EEF2K: variants seen among roughly 807,000 people sequenced by gnomAD.
EEF2K encodes alternative protein EEF2K.
EEF2K carries 70 observed loss-of-function variants against 93.8 expected under a neutral mutation model. The ratio of observed to expected loss-of-function variants is 0.75; its 90% confidence interval spans 0.62 to 0.91. EEF2K has a LOEUF of 0.91. EEF2K is among the 40% of genes least tolerant of loss of function. The probability of loss-of-function intolerance (pLI) is 0.00; values close to 1 mark genes in which losing one functional copy is unlikely to be tolerated. For synonymous variants in EEF2K, 376 were observed against 380.8 expected (o/e 0.99, Z 0.15); for missense variants, 935 against 972.9 (o/e 0.96, Z 0.52).
chr16:22,214,656 C>A (rs1265524216), intron 1 of EEF2K, among the ~76,000 whole-genome samples: 1 of 151,796 alleles, frequency 6.6e-6, no homozygotes, highest in Non-Finnish European at 1.5e-5. Flanking sequence ...CAGAGCCAGA[C>A]TCTCTCAGCA....
chr16:22,278,701 T>C (rs955123864), intron 16 of EEF2K, among the ~76,000 whole-genome samples: 1 of 152,162 alleles, frequency 6.6e-6, no homozygotes, highest in Non-Finnish European at 1.5e-5. Context: ...CTGTATTTGC[T>C]CTTTCCTGAT....
intron 1 of EEF2K, 104 bp from the exon 2 acceptor site, chr16:22,225,549 AG>A (rs1393999247): frequency 1.1e-6 from 1 of 906,340 alleles, no homozygotes; most frequent in Non-Finnish European, 1.6e-6. Context: ...TTTTACCCCA[AG>A]GGTGCCAGCT....
At chr16:22,208,291 G>A (rs1370536911) in intron 1 of EEF2K, among the ~76,000 whole-genome samples, 1 of 152,196 alleles carries the variant, frequency 6.6e-6, no homozygotes, top group Non-Finnish European at 1.5e-5. Flanking sequence ...GGGAGACTGA[G>A]GAAGGTGGAT....
At chr16:22,220,927 G>C (rs2047005781) in intron 1 of EEF2K, among the ~76,000 whole-genome samples, 1 of 152,204 alleles carries the variant, frequency 6.6e-6, no homozygotes, top group South Asian at 2.1e-4. Context: ...GGGCTGACCA[G>C]GGCAGAGTAG....
chr16:22,229,010 A>G (rs1164177463), intron 2 of EEF2K, among the ~76,000 whole-genome samples: 1 of 152,034 alleles, frequency 6.6e-6, no homozygotes. Context: ...ATGGTGGTGC[A>G]TGCCTGTAGT....
intron 2 of EEF2K, among the ~76,000 whole-genome samples, chr16:22,243,270 G>A (rs1269552972): frequency 8.7e-6 from 1 of 114,296 alleles, no homozygotes; most frequent in Non-Finnish European, 1.8e-5. Context: ...TTTTTTTTCT[G>A]AGACAGGGTC....
chr16:22,208,603 C>T (rs867588376), intron 1 of EEF2K, among the ~76,000 whole-genome samples: 58 of 152,028 alleles, frequency 3.8e-4, no homozygotes, highest in South Asian at 1.2e-3. Flanking sequence ...TGGCTGATTA[C>T]GGATATATCA....
intron 1 of EEF2K, among the ~76,000 whole-genome samples, chr16:22,219,088 T>C (rs1418710092): frequency 2.0e-5 from 3 of 152,112 alleles, no homozygotes; most frequent in Non-Finnish European, 4.4e-5. Context: ...ATCCTTTCTT[T>C]GGGCCAAGGG....
intron 1 of EEF2K, among the ~76,000 whole-genome samples, chr16:22,218,776 G>C (rs1306774354): frequency 6.6e-6 from 1 of 152,048 alleles, no homozygotes; most frequent in Non-Finnish European, 1.5e-5. Context: ...GTTAGTGGTA[G>C]AGATGGGGCT....
In EEF2K at chr16:22,206,760, G is replaced by C. The variant is rs141086927; in HGVS notation, c.-77+81G>C. 1,487 of 153,066 alleles carry C rather than the reference G, an allele frequency of 9.7e-3. 11 individuals carry two copies. The highest frequency in any genetic ancestry group is 0.015 in the Non-Finnish European group (1,019 of 68,642). 9.5% of individuals were successfully genotyped at this position (153,066 alleles called of 1,614,324 possible). A position where few individuals can be genotyped will look rare whatever the true frequency, so the allele number is the denominator to read the frequency against. ...GCCTGTGCGCCCGGGTGCAGCTGGC[G>C]TCTGGAGCGTGCTGGGTCTGGGCTT... On this transcript the variant is annotated intron_variant, in intron 1 of 17. Coordinates refer to ENST00000263026, the MANE Select transcript of EEF2K (RefSeq NM_013302.5).
Position 22,260,533 on chromosome 16 carries a change from A to G in EEF2K, c.1299+4A>G. On this transcript the variant is annotated splice_donor_region_variant and intron_variant, in intron 11 of 17. Coordinates refer to ENST00000263026, the MANE Select transcript of EEF2K (RefSeq NM_013302.5). Reference sequence around the variant, plus strand: ...TGATCATCTAGACAACCACCGGGTGAGTGTGAAGGGAGGGAGGCTGCAGGC... The same window carrying G: ...TGATCATCTAGACAACCACCGGGTGGGTGTGAAGGGAGGGAGGCTGCAGGC... 1 of 1,614,086 alleles carries G rather than the reference A, an allele frequency of 6.2e-7. No individual in the cohort carries two copies. Among genetic ancestry groups the G allele is most frequent in the South Asian group, 1.1e-5 (1 of 91,074 alleles).
At chr16:22,249,533 A>G (rs2047328336) in intron 4 of EEF2K, among the ~76,000 whole-genome samples, 1 of 152,130 alleles carries the variant, frequency 6.6e-6, no homozygotes, top group African/African-American at 2.4e-5. Context: ...CCCACAGGGT[A>G]AGCACCCCTC....
chr16:22,210,141 T>A (rs1328413677), intron 1 of EEF2K, among the ~76,000 whole-genome samples: 1 of 152,116 alleles, frequency 6.6e-6, no homozygotes, highest in Non-Finnish European at 1.5e-5. Context: ...AACACGCTGA[T>A]GATAAAGCAG....
At chr16:22,281,763 A>T (rs1377428145) in intron 17 of EEF2K, among the ~76,000 whole-genome samples, 1 of 152,192 alleles carries the variant, frequency 6.6e-6, no homozygotes, top group Non-Finnish European at 1.5e-5. Flanking sequence ...TTCATTTAGC[A>T]TAACTTTTTC....
chr16:22,256,773 T>C lies in EEF2K; in HGVS notation c.644T>C (p.Ile215Thr), dbSNP rs369121898. Reference protein sequence around the residue: ...KQVDIMQMCIIELKDRPGKPL... With the variant: ...KQVDIMQMCITELKDRPGKPL... ...GTGGACATCATGCAGATGTGCATCA[T>C]CGAGCTGAAGGACAGACCGGGCAAG... The change falls in exon 7 of 18, where the codon ATC (isoleucine) becomes ACC (threonine). Residue 215 changes from isoleucine to threonine, a missense_variant. Transcript: ENST00000263026. 1 of 1,613,932 alleles carries C rather than the reference T, an allele frequency of 6.2e-7. No individual in the cohort carries two copies. The highest frequency in any genetic ancestry group is 1.3e-5 in the African/African-American group (1 of 74,924).
chr16:22,280,245 AGATGACGGACTGT>A lies in EEF2K; in HGVS notation c.1943_1955del (p.Thr648ArgfsTer15). On this transcript the variant is annotated frameshift_variant, in exon 17 of 18. Transcript: ENST00000263026. LOFTEE classifies it high-confidence loss of function. ...CTGCACTGGTACAACACTGCCCTGG[AGATGACGGACTGT>A]GATGAGGGCGGTGAGTACGACGGAA... The A allele has an allele frequency of 6.2e-7, 1 of 1,601,392 alleles. No homozygotes were observed. Among genetic ancestry groups the A allele is most frequent in the Non-Finnish European group, 8.5e-7 (1 of 1,174,070 alleles).
intron 2 of EEF2K, among the ~76,000 whole-genome samples, chr16:22,228,006 C>CTTTTTTTTTTTTTTTTT (rs1051682997): frequency 1.2e-5 from 1 of 80,026 alleles, no homozygotes; most frequent in Non-Finnish European, 2.2e-5. Flanking sequence ...AAACCAAATT[C>CTTTTTTTTTTTTTTTTT]TTTTTTTTTT....
chr16:22,266,144 C>T (rs974367838), intron 13 of EEF2K, among the ~76,000 whole-genome samples: 1 of 152,102 alleles, frequency 6.6e-6, no homozygotes, highest in East Asian at 1.9e-4. Context: ...ATCGCTTGAA[C>T]CTGGGAGGTG....
chr16:22,215,547 C>T (rs1171466795), intron 1 of EEF2K, among the ~76,000 whole-genome samples: 1 of 152,174 alleles, frequency 6.6e-6, no homozygotes, highest in Non-Finnish European at 1.5e-5. Flanking sequence ...CCATTATATG[C>T]TAGGGGTGCA....
Sources: allele counts gnomAD v4.1 joint callset (sites outside exome capture counted in the v4.1 genomes callset), GRCh38; gene constraint gnomAD v4.1.1; transcripts MANE v1.5; gene names NCBI Gene and HGNC (gene_info 2026-07-23, HGNC 2026-07-21).